Variants in LMAN2 observed in about 807,000 individuals in gnomAD.
The protein encoded by LMAN2 is lectin, mannose binding 2, also known as vesicular integral-membrane protein VIP36.
In LMAN2, 22 loss-of-function variants were observed where a neutral mutation model predicts 39.3. The observed-to-expected ratio is 0.56, with a 90% CI of 0.40 to 0.80. The LOEUF is 0.80. LMAN2 is among the 30% of genes least tolerant of loss of function. The pLI is 0.00. For missense variants in LMAN2, 494 were observed against 505.4 expected (o/e 0.98, Z 0.22); for synonymous variants, 207 against 207.8 (o/e 1.00, Z 0.03).
chr5:177,338,743 A>C (rs1761511829), intron 2 of LMAN2, 138 bp from the exon 3 acceptor site: 1 of 715,816 alleles, frequency 1.4e-6, no homozygotes, highest in Non-Finnish European at 2.5e-6. Context: ...GCACAGGGCC[A>C]CAAGTGCCAC....
In LMAN2 at chr5:177,334,372, G is replaced by C. The variant is rs1315458754; in HGVS notation, c.822C>G (p.Phe274Leu). The change falls in exon 7 of 8, where the codon TTC (phenylalanine) becomes TTG (leucine). Residue 274 changes from phenylalanine (F) to leucine (L), a missense_variant. Physicochemically the swap from Phe to Leu is conservative, Grantham distance 22 (BLOSUM62 0). Transcript: ENST00000303127. ...DNHDIISMKL[F>L]QLMVEHTPDE... is the part of the protein sequence containing the mutation. ...CGGGCGTGTGCTCCACCATCAGCTG[G>C]AACAGCTTCATGGAGATGATGTCAT... 1.9e-6 allele frequency: 3 copies of C among 1,613,666 alleles called. No individual in the cohort carries two copies. The highest frequency in any genetic ancestry group is 3.3e-5 in the Admixed American group (2 of 60,018).
intron 2 of LMAN2, among the ~76,000 whole-genome samples, chr5:177,341,914 T>C (rs1761559287): frequency 6.6e-6 from 1 of 152,204 alleles, no homozygotes; most frequent in East Asian, 1.9e-4. Context: ...CTTTAAATTC[T>C]AGGGTGACCA....
Position 177,337,891 on chromosome 5 carries a change from C to A in LMAN2, c.434-106G>T, listed in dbSNP as rs1761498612. 3.4e-6 allele frequency: 3 copies of A among 893,196 alleles called. No individual in the cohort carries two copies. The Admixed American group carries it at 6.3e-5, about 19-fold the overall frequency. The allele number at this position is 893,196 out of a possible 1,614,324, so 55.3% of individuals were successfully genotyped here. ...ATGGGTGGGGGCAAGAGAGCCCAAC[C>A]CACTGGCCATTCACCGAGAGAGAAG... On this transcript the variant is annotated intron_variant, in intron 3 of 7. Coordinates refer to ENST00000303127, the MANE Select transcript of LMAN2 (RefSeq NM_006816.3). The surrounding 1 kb of genome is among the most constrained non-coding windows in gnomAD (Gnocchi z 8.2).
intron 2 of LMAN2, among the ~76,000 whole-genome samples, chr5:177,348,232 A>G (rs74609315): frequency 0.017 from 2,632 of 152,284 alleles, 71 homozygotes; most frequent in African/African-American, 0.061. Context: ...CAAACAAAAT[A>G]TTAAAAGTTT....
rs1186502636 is a variant in LMAN2, at chr5:177,351,667, C to T, written c.-20G>A. 1 of 1,552,372 alleles carries T rather than the reference C, an allele frequency of 6.4e-7. No individual in the cohort carries two copies. Among genetic ancestry groups the T allele is most frequent in the East Asian group, 2.3e-5 (1 of 44,084 alleles). On this transcript the variant is annotated 5_prime_UTR_variant, in exon 1 of 8. It adds an upstream start codon to the 5' untranslated region. Transcript: ENST00000303127. The stretch of plus-strand genomic sequence containing the variant: ...CGCCATTCTCCTCTCCTCTCGGCCA[C>T]TTCCGCCCTAGAACTTCCGCCTTCC...
intron 2 of LMAN2, among the ~76,000 whole-genome samples, chr5:177,348,360 T>C (rs923362771): frequency 3.9e-5 from 6 of 152,156 alleles, no homozygotes; most frequent in African/African-American, 1.4e-4. Context: ...GATAATATTC[T>C]GTGTGGAAAT....
chr5:177,351,534 C>A lies in LMAN2; in HGVS notation c.114G>T (p.Leu38Phe). The A allele has an allele frequency of 6.2e-7, 1 of 1,614,276 alleles. No individual in the cohort carries two copies. Residue 38 changes from leucine (L) to phenylalanine (F), a missense_variant, in exon 1 of 8, where the codon TTG (leucine) becomes TTT (phenylalanine). By Grantham distance (22) the Leu-to-Phe change is conservative (BLOSUM62 0). Transcript: ENST00000303127. The part of the protein sequence containing the change: ...GPTTPLFLLL[L>F]LGSVTADITD... ...TTATATCCGCAGTCACAGACCCCAA[C>A]AACAAAAGAAGAAAGAGAGGTGTAG...
intron 2 of LMAN2, among the ~76,000 whole-genome samples, chr5:177,349,008 A>G (rs1472335376): frequency 6.6e-6 from 1 of 152,202 alleles, no homozygotes; most frequent in African/African-American, 2.4e-5. Flanking sequence ...CTTTGCAAAT[A>G]CTTAAACCTA....
intron 2 of LMAN2, among the ~76,000 whole-genome samples, chr5:177,349,113 C>G (rs1761682358): frequency 6.6e-6 from 1 of 152,164 alleles, no homozygotes; most frequent in African/African-American, 2.4e-5. Context: ...ACAAGACCCC[C>G]AAAAGGACAG....
chr5:177,338,637 C>T (rs1453682428), intron 2 of LMAN2, 32 bp from the exon 3 acceptor site: 1 of 1,587,436 alleles, frequency 6.3e-7, no homozygotes. Context: ...CTGCTCAGAG[C>T]TCCCCAGGGC....
intron 6 of LMAN2, 65 bp from the exon 7 acceptor site, chr5:177,334,468 C>G: frequency 6.5e-7 from 1 of 1,547,818 alleles, no homozygotes; most frequent in Non-Finnish European, 8.7e-7. Context: ...GGCCCAAGAC[C>G]CTCCCACAAG....
intron 6 of LMAN2, among the ~76,000 whole-genome samples, chr5:177,335,234 G>A (rs745705312): frequency 5.3e-5 from 8 of 152,210 alleles, no homozygotes; most frequent in Non-Finnish European, 5.9e-5. Context: ...GACGGCGAGC[G>A]GCCCTGCAGG....
chr5:177,340,629 G>C (rs563568117), intron 2 of LMAN2, among the ~76,000 whole-genome samples: 44 of 152,276 alleles, frequency 2.9e-4, no homozygotes, highest in African/African-American at 1.0e-3. Context: ...AATTAGCCAG[G>C]CGTGGTGGTA....
chr5:177,337,850 G>A lies in LMAN2; in HGVS notation c.434-65C>T. 1.4e-6 allele frequency: 2 copies of A among 1,434,878 alleles called. No homozygotes were observed. Among genetic ancestry groups the A allele is most frequent in the Non-Finnish European group, 1.9e-6 (2 of 1,029,378 alleles). 88.9% of individuals were successfully genotyped at this position (1,434,878 alleles called of 1,614,324 possible). On this transcript the variant is annotated intron_variant, in intron 3 of 7. Transcript: ENST00000303127. The surrounding 1 kb of genome is among the most constrained non-coding windows in gnomAD (Gnocchi z 8.2). ...GGAGCCGTCCCATGGGTACCTAAAA[G>A]GCAAGCAATGCCAACATGGGTGGGG...
rs1761399080 is a variant in LMAN2, at chr5:177,332,267, G to A, written c.911-21C>T. 2 of 1,608,550 alleles carry A rather than the reference G, an allele frequency of 1.2e-6. No homozygotes were observed. Among genetic ancestry groups the A allele is most frequent in the African/African-American group, 1.3e-5 (1 of 74,872 alleles). On this transcript the variant is annotated intron_variant, in intron 7 of 7. Coordinates refer to ENST00000303127, the MANE Select transcript of LMAN2 (RefSeq NM_006816.3). The surrounding 1 kb of genome is among the most constrained non-coding windows in gnomAD (Gnocchi z 6.3). ...GTTGTCTGGGGGAGAAGAAACGGGG[G>A]AGCTGAAACGGCAGCACGGGCCGGG...
At chr5:177,345,056 T>G (rs921833187) in intron 2 of LMAN2, among the ~76,000 whole-genome samples, 6 of 151,976 alleles carry the variant, frequency 3.9e-5, no homozygotes, top group African/African-American at 1.5e-4. Context: ...AATGCCATTG[T>G]CAGGCTGGGC....
Position 177,337,581 on chromosome 5 carries a change from G to T in LMAN2, c.514-57C>A. The T allele has an allele frequency of 6.2e-7, 1 of 1,607,970 alleles. No individual in the cohort carries two copies. Among genetic ancestry groups the T allele is most frequent in the Non-Finnish European group, 8.5e-7 (1 of 1,175,658 alleles). On this transcript the variant is annotated intron_variant, in intron 4 of 7. Coordinates refer to ENST00000303127, the MANE Select transcript of LMAN2 (RefSeq NM_006816.3). The surrounding 1 kb of genome is among the most constrained non-coding windows in gnomAD (Gnocchi z 8.2). ...AGCCCAGCCTGTGGGGCGAGCAGGG[G>T]CACCCACCACCCCAATCCCTGGAGG...
Position 177,344,559 on chromosome 5 carries a change from C to T in LMAN2, c.316-5954G>A, listed in dbSNP as rs1292354031. ...TCTCCCAAAGTGCTGGGATTATAGG[C>T]GTGAGCCACCGCGCCCAGCCTGTGT... On this transcript the variant is annotated intron_variant, in intron 2 of 7. Transcript: ENST00000303127. 2.7e-5 allele frequency among the ~76,000 whole-genome samples: 4 copies of T among 150,096 alleles called. No homozygotes were observed. In the East Asian group the frequency reaches 6.1e-4, roughly 23 times the overall value.
At chr5:177,338,463 C>G in intron 3 of LMAN2, 25 bp downstream of exon 3, 1 of 1,598,996 alleles carries the variant, frequency 6.3e-7, no homozygotes, top group Non-Finnish European at 8.6e-7. Flanking sequence ...CCCCACAGGG[C>G]CCAGCTGAGC....
Sources: gnomAD v4.1 joint callset for allele counts (sites outside exome capture counted in the v4.1 genomes callset) on GRCh38, gnomAD v4.1.1 for gene constraint, Gnocchi (gnomAD v3.1) non-coding constraint, MANE v1.5 for transcripts, NCBI Gene and HGNC (gene_info 2026-07-23, HGNC 2026-07-21) for gene names.